RP1: variants seen among roughly 807,000 people sequenced by gnomAD.
The protein encoded by RP1 is RP1 axonemal microtubule associated.
In RP1, 16 loss-of-function variants were observed where a neutral mutation model predicts 14.8. The ratio of observed to expected loss-of-function variants is 1.08; its 90% confidence interval spans 0.73 to 1.65. The LOEUF is 1.65. Among genes scored for constraint, RP1 ranks in the 40% most tolerant of loss-of-function variants. The pLI is 0.00. For synonymous variants in RP1, 876 were observed against 883.6 expected, an observed-to-expected ratio of 0.99 and a Z score of 0.15; for missense variants, 2,631 against 2,535.0, an observed-to-expected ratio of 1.04 and a Z score of -0.81.
intron 24 of RP1, among the ~76,000 whole-genome samples, chr8:54,794,809 G>A (rs970899616): frequency 2.0e-5 from 3 of 151,930 alleles, no homozygotes; most frequent in Non-Finnish European, 2.9e-5. Context: ...AATGAAATGG[G>A]AATGGGAGAA....
In RP1 at chr8:54,628,916, G is replaced by C; in HGVS notation, c.5034G>C (p.Gln1678His). Residue 1678 changes from glutamine (Q) to histidine (H), a missense_variant, in exon 4 of 4, where the codon CAG (glutamine) becomes CAC (histidine). Gln to His is a conservative substitution (Grantham distance 24). Transcript: ENST00000220676. ...CAAGTCTTTATGATTCTGAAGGGCAGTCATTTGGCTCTTCTGAACAGGTAT... is the reference window on the plus strand; with the variant it reads ...CAAGTCTTTATGATTCTGAAGGGCACTCATTTGGCTCTTCTGAACAGGTAT... ...RKASLYDSEG[Q>H]SFGSSEQVSS... 6.2e-7 allele frequency: 1 copy of C among 1,614,044 alleles called. No homozygotes were observed.
Position 54,627,040 on chromosome 8 carries a change from A to G in RP1, c.3158A>G (p.Tyr1053Cys), listed in dbSNP as rs1358085315. 1 of 1,613,946 alleles carries G rather than the reference A, an allele frequency of 6.2e-7. No individual in the cohort carries two copies. Among genetic ancestry groups the G allele is most frequent in the Non-Finnish European group, 8.5e-7 (1 of 1,179,964 alleles). Residue 1053 changes from tyrosine to cysteine, a missense_variant, in exon 4 of 4, where the codon TAC (tyrosine) becomes TGC (cysteine). Transcript: ENST00000220676. ...TCAGGACCAGAGAAAAAACTTGTTT[A>G]CCAGGAAATAAACCTAGCTAGAAAA... ...EKSGPEKKLV[Y>C]QEINLARKRQ... is the part of the protein sequence containing the mutation.
chr8:54,605,228 G>T (rs1052942159), intron 1 of RP1, among the ~76,000 whole-genome samples: 22 of 152,054 alleles, frequency 1.4e-4, no homozygotes, highest in African/African-American at 4.6e-4. Context: ...CAGAGATTCT[G>T]GTATGTTGTG....
intron 1 of RP1, among the ~76,000 whole-genome samples, chr8:54,598,739 A>C (rs1198104514): frequency 1.3e-5 from 2 of 152,184 alleles, no homozygotes; most frequent in African/African-American, 4.8e-5. Flanking sequence ...CCGGACATAG[A>C]ACTGTGGTTG....
intron 12 of RP1, among the ~76,000 whole-genome samples, chr8:54,686,059 A>C (rs548942041): frequency 1.3e-5 from 2 of 152,320 alleles, no homozygotes; most frequent in South Asian, 4.1e-4. Context: ...TTTACCCTTC[A>C]GTGTTTCTAG....
At chr8:54,587,752 G>A (rs150499183) in intron 1 of RP1, among the ~76,000 whole-genome samples, 295 of 152,266 alleles carry the variant, frequency 1.9e-3, no homozygotes, top group African/African-American at 6.4e-3. Context: ...CTACTGACAG[G>A]GACATGAGCA....
At chr8:54,864,948 G>C (rs1812426358) in intron 27 of RP1, among the ~76,000 whole-genome samples, 1 of 152,152 alleles carries the variant, frequency 6.6e-6, no homozygotes, top group African/African-American at 2.4e-5. Flanking sequence ...ATGAGGAACT[G>C]ACATCTTTAT....
At position 54,628,977 on chromosome 8, in the gene RP1, G is replaced by C; in HGVS notation, c.5095G>C (p.Glu1699Gln). 1.9e-6 allele frequency: 3 copies of C among 1,614,070 alleles called. No homozygotes were observed. The highest frequency in any genetic ancestry group is 2.5e-6 in the Non-Finnish European group (3 of 1,179,986). The change falls in exon 4 of 4, where the codon GAA (glutamate) becomes CAA (glutamine). Residue 1699 changes from glutamate to glutamine, a missense_variant. Physicochemically the swap from Glu to Gln is conservative, Grantham distance 29 (BLOSUM62 2). Transcript: ENST00000220676. ...ATCTATGTTGCAGGAATTCCAGGAGGAAAGACAAGATAAGTGTGATGTTAG... is the reference window on the plus strand; with the variant it reads ...ATCTATGTTGCAGGAATTCCAGGAGCAAAGACAAGATAAGTGTGATGTTAG... ...SSSMLQEFQE[E>Q]RQDKCDVSAV...
At chr8:54,848,855 T>C (rs1455207303) in intron 25 of RP1, among the ~76,000 whole-genome samples, 1 of 152,126 alleles carries the variant, frequency 6.6e-6, no homozygotes, top group Non-Finnish European at 1.5e-5. Flanking sequence ...TTCAAGCTAT[T>C]CTCCCACCTC....
At chr8:54,758,630 G>C (rs1054887360) in intron 21 of RP1, among the ~76,000 whole-genome samples, 1 of 152,192 alleles carries the variant, frequency 6.6e-6, no homozygotes, top group East Asian at 1.9e-4. Context: ...GGTCTAACGA[G>C]AGAAAAGTGT....
chr8:54,663,726 C>G, exon 7 of RP1: 1 of 1,530,134 alleles, frequency 6.5e-7, no homozygotes, highest in South Asian at 1.2e-5. Flanking sequence ...AATGTGGCAA[C>G]GGGTGAGCTA....
intron 12 of RP1, among the ~76,000 whole-genome samples, chr8:54,697,480 G>A (rs890425321): frequency 1.3e-5 from 2 of 152,156 alleles, no homozygotes; most frequent in African/African-American, 4.8e-5. Context: ...ACTTGAACCT[G>A]GGAGGCAGAT....
intron 23 of RP1, among the ~76,000 whole-genome samples, chr8:54,778,588 G>T (rs1810102836): frequency 6.6e-6 from 1 of 152,152 alleles, no homozygotes; most frequent in Non-Finnish European, 1.5e-5. Flanking sequence ...CTCCCAAAGT[G>T]CTGGGATTAC....
At chr8:54,868,559 A>G (rs1378363031) in intron 28 of RP1, among the ~76,000 whole-genome samples, 1 of 152,218 alleles carries the variant, frequency 6.6e-6, no homozygotes, top group Non-Finnish European at 1.5e-5. Flanking sequence ...CCCATTAGTC[A>G]GAAAGCAGGG....
chr8:54,732,456 A>G (rs975865912), intron 17 of RP1, among the ~76,000 whole-genome samples: 2 of 152,216 alleles, frequency 1.3e-5, no homozygotes, highest in East Asian at 1.9e-4. Context: ...CAAACTTTTC[A>G]TCAGTTCTGT....
chr8:54,698,125 G>C (rs1474803753), intron 12 of RP1, among the ~76,000 whole-genome samples: 2 of 151,920 alleles, frequency 1.3e-5, no homozygotes, highest in Non-Finnish European at 2.9e-5. Flanking sequence ...TGGGAGAAAA[G>C]TTTTGCAATC....
At chr8:54,705,847 G>C (rs1808138930) in intron 14 of RP1, among the ~76,000 whole-genome samples, 1 of 147,086 alleles carries the variant, frequency 6.8e-6, no homozygotes, top group Non-Finnish European at 1.5e-5. Context: ...TTACTAGCAT[G>C]GATTACTTTT....
chr8:54,689,564 G>C (rs1208672819), intron 12 of RP1, among the ~76,000 whole-genome samples: 1 of 152,076 alleles, frequency 6.6e-6, no homozygotes, highest in Admixed American at 6.6e-5. Flanking sequence ...TCTCTTTCCA[G>C]AAGTTATACC....
At chr8:54,665,079 G>GT (rs1806988239) in intron 7 of RP1, among the ~76,000 whole-genome samples, 1 of 152,060 alleles carries the variant, frequency 6.6e-6, no homozygotes, top group Non-Finnish European at 1.5e-5. Context: ...TTAAACCTTT[G>GT]TATTTCCTCT....
Sources: gnomAD v4.1 joint callset for allele counts (sites outside exome capture counted in the v4.1 genomes callset) on GRCh38, gnomAD v4.1.1 for gene constraint, MANE v1.5 for transcripts, NCBI Gene and HGNC (gene_info 2026-07-23, HGNC 2026-07-21) for gene names.